Variants in SLC35F3 observed in about 807,000 individuals in gnomAD.
SLC35F3 encodes the protein solute carrier family 35 member F3.
SLC35F3 carries 25 observed loss-of-function variants against 49.9 expected under a neutral mutation model. The observed-to-expected ratio is 0.50, with a 90% CI of 0.37 to 0.70. SLC35F3 has a LOEUF of 0.70. Ranked by LOEUF, SLC35F3 falls within the 30% of genes least tolerant of loss-of-function variation. The pLI is 0.00. For synonymous variants in SLC35F3, 275 were observed against 265.4 expected (o/e 1.04, Z -0.35); for missense variants, 525 against 639.8 (o/e 0.82, Z 1.94).
intron 3 of SLC35F3, among the ~76,000 whole-genome samples, chr1:234,290,748 A>T (rs545671378): frequency 2.1e-4 from 32 of 152,376 alleles, no homozygotes; most frequent in Admixed American, 1.4e-3. Context: ...CTAGAAAGAT[A>T]TTATAGAGGT....
chr1:233,981,642 G>C (rs1419494051), intron 2 of SLC35F3, among the ~76,000 whole-genome samples: 6 of 151,532 alleles, frequency 4.0e-5, no homozygotes. Flanking sequence ...GTCTTTGTGT[G>C]GACAGAATTC....
chr1:233,930,273 TAG>T (rs1206242809), intron 2 of SLC35F3, among the ~76,000 whole-genome samples: 2 of 152,102 alleles, frequency 1.3e-5, no homozygotes, highest in Admixed American at 6.6e-5. Context: ...GCCCCGGATG[TAG>T]AGTTATTTAT....
At chr1:234,149,174 C>T (rs1405445318) in intron 2 of SLC35F3, among the ~76,000 whole-genome samples, 2 of 152,166 alleles carry the variant, frequency 1.3e-5, no homozygotes, top group Non-Finnish European at 2.9e-5. Context: ...AGTCCTGACA[C>T]AGGGTTCCCT....
intron 2 of SLC35F3, among the ~76,000 whole-genome samples, chr1:234,038,114 TC>T (rs1331038977): frequency 3.9e-5 from 4 of 102,214 alleles, no homozygotes; most frequent in Non-Finnish European, 5.9e-5. Flanking sequence ...CCCTTCCCCC[TC>T]CCCCCACCCC....
intron 2 of SLC35F3, among the ~76,000 whole-genome samples, chr1:234,210,098 G>A (rs1354479478): frequency 2.0e-5 from 3 of 152,130 alleles, no homozygotes; most frequent in Admixed American, 2.0e-4. Context: ...AGTCTCATGA[G>A]AAACGATGGT....
chr1:234,214,502 AAGAAGCACTCG>A lies in SLC35F3; in HGVS notation c.284-16914_284-16904del. 2 of 1,537,544 alleles carry A rather than the reference AAGAAGCACTCG, an allele frequency of 1.3e-6. No homozygotes were observed. The highest frequency in any genetic ancestry group is 1.7e-6 in the Non-Finnish European group (2 of 1,143,762). On this transcript the variant is annotated intron_variant, in intron 2 of 7. Coordinates refer to ENST00000366618, the MANE Select transcript of SLC35F3 (RefSeq NM_173508.4). The surrounding 1 kb of genome is among the most constrained non-coding windows in gnomAD (Gnocchi z 8.0). Reference sequence around the variant, plus strand: ...TCCTGCAGGCGGCCGGCTCATCATGAAGAAGCACTCGGCCCGGGTGGCCCCGCTCAGCGCCT... The same window carrying A: ...TCCTGCAGGCGGCCGGCTCATCATGAGCCCGGGTGGCCCCGCTCAGCGCCT...
intron 2 of SLC35F3, among the ~76,000 whole-genome samples, chr1:233,945,669 G>GAATCA (rs1662502031): frequency 6.6e-6 from 1 of 152,186 alleles, no homozygotes; most frequent in Non-Finnish European, 1.5e-5. Context: ...GGAGATAATT[G>GAATCA]AATCATGGGG....
In SLC35F3 at chr1:234,231,853, T is replaced by A; in HGVS notation, c.608+112T>A. On this transcript the variant is annotated intron_variant, in intron 3 of 7. Coordinates refer to ENST00000366618, the MANE Select transcript of SLC35F3 (RefSeq NM_173508.4). This position sits in a 1 kb window ranked among gnomAD's most constrained non-coding sequence, Gnocchi z 5.4. ...GCTGGGATGAGCCGGTGGGAGCCCG[T>A]GGAGAGATGTTGCAGTGAATGCACC... 1 of 1,038,212 alleles carries A rather than the reference T, an allele frequency of 9.6e-7. No individual in the cohort carries two copies. Among genetic ancestry groups the A allele is most frequent in the Non-Finnish European group, 1.4e-6 (1 of 701,202 alleles). The allele number at this position is 1,038,212 out of a possible 1,614,324, so 64.3% of individuals were successfully genotyped here. A position where few individuals can be genotyped will look rare whatever the true frequency, so the allele number is the denominator to read the frequency against.
At position 234,056,918 on chromosome 1, in the gene SLC35F3, A is replaced by G. The variant is rs144383778; in HGVS notation, c.283+151160A>G. ...GCCAGCATCATTTGTTGAAAAGACTACTCTTTCTCAATTGTATGGTATTGG... is the reference window on the plus strand; with the variant it reads ...GCCAGCATCATTTGTTGAAAAGACTGCTCTTTCTCAATTGTATGGTATTGG... On this transcript the variant is annotated intron_variant, in intron 2 of 7. Coordinates refer to ENST00000366618, the MANE Select transcript of SLC35F3 (RefSeq NM_173508.4). 2.4e-4 allele frequency among the ~76,000 whole-genome samples: 36 copies of G among 152,098 alleles called. No homozygotes were observed. The East Asian group carries it at 6.9e-3, about 29-fold the overall frequency.
chr1:234,093,813 A>G lies in SLC35F3; in HGVS notation c.284-137604A>G, dbSNP rs139508080. ...TATGCTGTGGACAGAAACAAAGACA[A>G]GTTACCCTATGTCTTGCCATTTCCC... On this transcript the variant is annotated intron_variant, in intron 2 of 7. Coordinates refer to ENST00000366618, the MANE Select transcript of SLC35F3 (RefSeq NM_173508.4). 9.7e-3 allele frequency among the ~76,000 whole-genome samples: 1,473 copies of G among 152,380 alleles called. 13 individuals are homozygous for G. The highest frequency in any genetic ancestry group is 0.014 in the Non-Finnish European group (973 of 68,040).
Position 233,978,175 on chromosome 1 carries a change from A to AG in SLC35F3, c.283+72417_283+72418insG, listed in dbSNP as rs1318759550. 4.6e-5 allele frequency among the ~76,000 whole-genome samples: 7 copies of AG among 152,280 alleles called. No homozygotes were observed. The East Asian group carries it at 1.4e-3, about 29-fold the overall frequency. On this transcript the variant is annotated intron_variant, in intron 2 of 7. Transcript: ENST00000366618. ...GCAAGGCTCTGAAGAAGGAAAAAAA[A>AG]AGGTAGTAAAGGGAGACAGGACAGA...
At chr1:234,191,282 A>G (rs1016613900) in intron 2 of SLC35F3, among the ~76,000 whole-genome samples, 68 of 152,288 alleles carry the variant, frequency 4.5e-4, no homozygotes, top group African/African-American at 1.6e-3. Flanking sequence ...CTGGAAATTA[A>G]CTCCAAAAGG....
rs189586253 is a variant in SLC35F3 at position 233,963,215 on chromosome 1, A to G, written c.283+57457A>G. On this transcript the variant is annotated intron_variant, in intron 2 of 7. Transcript: ENST00000366618. Reference sequence around the variant, plus strand: ...GGGTGGGTACTTCTGCCTTTCACATATCTGAATCCCATTTCTCCAGTCTAT... The same window carrying G: ...GGGTGGGTACTTCTGCCTTTCACATGTCTGAATCCCATTTCTCCAGTCTAT... Among the ~76,000 whole-genome samples the G allele has an allele frequency of 5.9e-5, 9 of 151,706 alleles. No individual in the cohort carries two copies. In the East Asian group the frequency reaches 1.7e-3, roughly 29 times the overall value.
intron 2 of SLC35F3, among the ~76,000 whole-genome samples, chr1:233,944,487 T>C (rs1283071457): frequency 6.6e-6 from 1 of 152,212 alleles, no homozygotes; most frequent in Non-Finnish European, 1.5e-5. Context: ...AGTTTCTGGG[T>C]CAAAGCTTCT....
chr1:234,004,262 A>G, intron 2 of SLC35F3, among the ~76,000 whole-genome samples: 1 of 152,200 alleles, frequency 6.6e-6, no homozygotes, highest in South Asian at 2.1e-4. Context: ...AACAAAACAC[A>G]TTCAGAAGGA....
chr1:234,204,349 T>C (rs1015473254), intron 2 of SLC35F3, among the ~76,000 whole-genome samples: 6 of 145,892 alleles, frequency 4.1e-5, no homozygotes, highest in Non-Finnish European at 9.0e-5. Context: ...GCAAAACAGA[T>C]TGACAAAAAC....
intron 2 of SLC35F3, among the ~76,000 whole-genome samples, chr1:234,219,211 T>G (rs1325629339): frequency 6.6e-6 from 1 of 151,988 alleles, no homozygotes; most frequent in Non-Finnish European, 1.5e-5. Context: ...GCCCCCAGAG[T>G]AGGTCTGACT....
At chr1:234,174,091 T>C (rs1666440691) in intron 2 of SLC35F3, among the ~76,000 whole-genome samples, 1 of 152,220 alleles carries the variant, frequency 6.6e-6, no homozygotes, top group Non-Finnish European at 1.5e-5. Flanking sequence ...TGCGTGGCAG[T>C]CCTGTGTTCC....
chr1:234,090,666 C>G (rs1443767317), intron 2 of SLC35F3, among the ~76,000 whole-genome samples: 1 of 152,208 alleles, frequency 6.6e-6, no homozygotes, highest in African/African-American at 2.4e-5. Flanking sequence ...TTAGCATGAT[C>G]TAAGGGTGGA....
Sources: gnomAD v4.1 joint callset for allele counts (sites outside exome capture counted in the v4.1 genomes callset) on GRCh38, gnomAD v4.1.1 for gene constraint, Gnocchi (gnomAD v3.1) non-coding constraint, MANE v1.5 for transcripts, NCBI Gene and HGNC (gene_info 2026-07-23, HGNC 2026-07-21) for gene names.